The following NUMA1 variants were observed in gnomAD, a reference collection of about 807,000 sequenced individuals.
NUMA1 encodes nuclear mitotic apparatus protein 1, also known as SP-H antigen.
Under a neutral mutation model 237.1 loss-of-function variants are expected in NUMA1, and 62 were observed. The ratio of observed to expected loss-of-function variants is 0.26; its 90% CI spans 0.21 to 0.32. The LOEUF (loss-of-function observed/expected upper bound fraction) is 0.32. Among genes scored for constraint, NUMA1 ranks in the 10% least tolerant of loss-of-function variants. NUMA1 has a pLI of 1.00. For synonymous variants in NUMA1, 1,028 were observed against 1,066.1 expected (o/e 0.96, Z 0.70); for missense variants, 2,533 against 2,666.5 (o/e 0.95, Z 1.10).
In NUMA1 at chr11:72,004,288, A is replaced by G. The variant is rs145040216; in HGVS notation, c.6060T>C (p.His2020=). The G allele has an allele frequency of 1.5e-5, 24 of 1,612,890 alleles. No individual in the cohort carries two copies. In the African/African-American group the frequency reaches 2.8e-4, roughly 19 times the overall value. The change falls in exon 25 of 27, where the codon CAT becomes CAC. Residue 2020 remains histidine, a synonymous_variant. Transcript: ENST00000393695. ...CAGTAGTGCTCTGTTTGCGCCCTTC[A>G]TGTCGGTCTCGGGGAGTCATGGGGC... ...FPRPMTPRDR[H]EGRKQSTTEA...
rs139891320 is a variant in NUMA1, at chr11:72,017,823, C to G, written c.983G>C (p.Arg328Pro). ...CTGCTGCAGATGACTGGCAAACTCCCGCAGCTGAGACGGGCAAGTGAGAAT... is the reference window on the plus strand; with the variant it reads ...CTGCTGCAGATGACTGGCAAACTCCGGCAGCTGAGACGGGCAAGTGAGAAT... Reference protein sequence around the residue: ...EENGDLSFKLREFASHLQQLQ... With the variant: ...EENGDLSFKLPEFASHLQQLQ... The change falls in exon 13 of 27, where the codon CGG becomes CCG. Residue 328 changes from arginine (R) to proline (P), a missense_variant. By Grantham distance (103) the Arg-to-Pro change is moderately radical. This residue lies in a region of NUMA1 where 1,414 missense variants were observed against 1,508.1 expected (regional missense o/e 0.94). Transcript: ENST00000393695. The G allele has an allele frequency of 1.4e-5, 23 of 1,599,344 alleles. No homozygotes were observed.
At chr11:72,009,428 C>T in intron 17 of NUMA1, 41 bp from the exon 18 acceptor site, 7 of 1,556,342 alleles carry the variant, frequency 4.5e-6, no homozygotes, top group Non-Finnish European at 6.0e-6. Context: ...TCTGGCCGCT[C>T]TACCCAAGTC....
chr11:72,079,475 G>A (rs1378325111), intron 1 of NUMA1, among the ~76,000 whole-genome samples: 5 of 152,060 alleles, frequency 3.3e-5, no homozygotes, highest in Non-Finnish European at 7.4e-5. Context: ...GGGTGGCAGA[G>A]GTTGCAGTGA....
intron 24 of NUMA1, 34 bp downstream of exon 24, chr11:72,004,606 T>A: frequency 6.2e-7 from 1 of 1,603,090 alleles, no homozygotes. Context: ...CTGAGCACAG[T>A]GCTGGAGTAA....
chr11:72,072,178 CA>C (rs1281761438), intron 1 of NUMA1: 6 of 152,800 alleles, frequency 3.9e-5, no homozygotes, highest in Non-Finnish European at 7.3e-5. Context: ...AGGCACTGAA[CA>C]AATGCCCACT....
At chr11:72,033,254 G>A (rs903707414) in intron 3 of NUMA1, among the ~76,000 whole-genome samples, 1 of 152,030 alleles carries the variant, frequency 6.6e-6, no homozygotes, top group Non-Finnish European at 1.5e-5. Context: ...TCAAACTCCC[G>A]GGCTCAAGCA....
intron 9 of NUMA1, 122 bp from the exon 10 acceptor site, chr11:72,019,102 A>G (rs1316049336): frequency 9.1e-7 from 1 of 1,094,474 alleles, no homozygotes; most frequent in Non-Finnish European, 1.3e-6. Context: ...AGGCCTGTGC[A>G]CCTGGGTTGT....
intron 2 of NUMA1, among the ~76,000 whole-genome samples, chr11:72,043,982 T>C (rs1941848785): frequency 6.6e-6 from 1 of 152,112 alleles, no homozygotes; most frequent in Non-Finnish European, 1.5e-5. Flanking sequence ...GAAAGACATA[T>C]AGTAGCTAAT....
chr11:72,017,913 G>C, intron 12 of NUMA1, 86 bp from the exon 13 acceptor site: 1 of 1,471,908 alleles, frequency 6.8e-7, no homozygotes, highest in South Asian at 1.2e-5. Flanking sequence ...CCAGGGGCTG[G>C]ATGCCTCCAA....
Position 72,014,562 on chromosome 11 carries a change from G to T in NUMA1, c.2941C>A (p.Leu981Met). The stretch of plus-strand genomic sequence containing the variant: ...ATCAGCGCGGCCCGCAGCCGTTCCA[G>T]CTCATTGCCCATCTGCTCTGCCTCC... Reference protein sequence around the residue: ...EREAEQMGNELERLRAALMES... With the variant: ...EREAEQMGNEMERLRAALMES... The change falls in exon 15 of 27, where the codon CTG becomes ATG. Residue 981 changes from leucine to methionine, a missense_variant. Transcript: ENST00000393695. The surrounding 1 kb of genome is among the most constrained non-coding windows in gnomAD (Gnocchi z 4.6). The T allele has an allele frequency of 6.2e-7, 1 of 1,603,528 alleles. No individual in the cohort carries two copies.
intron 2 of NUMA1, among the ~76,000 whole-genome samples, chr11:72,051,816 G>C (rs1251689415): frequency 6.6e-6 from 1 of 152,158 alleles, no homozygotes; most frequent in African/African-American, 2.4e-5. Context: ...TAGAGGAAGA[G>C]ACACATCTGT....
At chr11:72,021,172 G>A in intron 8 of NUMA1, 32 bp downstream of exon 8, 2 of 1,513,980 alleles carry the variant, frequency 1.3e-6, no homozygotes, top group Non-Finnish European at 1.8e-6. Flanking sequence ...TTTCAGAGAT[G>A]AGGGGATTCT....
intron 1 of NUMA1, among the ~76,000 whole-genome samples, chr11:72,072,903 G>A (rs1256765145): frequency 3.3e-5 from 5 of 152,000 alleles, no homozygotes; most frequent in South Asian, 4.1e-4. Context: ...TTAGCTGGGC[G>A]CGGTGGCGGG....
In NUMA1 at chr11:72,019,586, G is replaced by T. The variant is rs149775256; in HGVS notation, c.492C>A (p.Phe164Leu). ...GGCTAGGTGGGGAGAGCTCTTCAGG[G>T]AATGTGCTAGAACAGGTAGAAGGCA... ...APVPSTCSST[F>L]PEELSPPSHQ... Residue 164 changes from phenylalanine (F) to leucine (L), a missense_variant, in exon 9 of 27, where the codon TTC becomes TTA. Coordinates refer to ENST00000393695, the MANE Select transcript of NUMA1 (RefSeq NM_006185.4). 3.1e-6 allele frequency: 5 copies of T among 1,613,796 alleles called. No individual in the cohort carries two copies. The highest frequency in any genetic ancestry group is 2.7e-5 in the African/African-American group (2 of 74,932).
chr11:72,033,620 C>T (rs1940633142), intron 3 of NUMA1, among the ~76,000 whole-genome samples: 1 of 152,174 alleles, frequency 6.6e-6, no homozygotes, highest in Admixed American at 6.5e-5. Context: ...TGATCCTCCA[C>T]CTCAGCCTCC....
In NUMA1 at chr11:72,004,293, G is replaced by C. The variant is rs138878450; in HGVS notation, c.6055C>G (p.Arg2019Gly). Residue 2019 changes from arginine (R) to glycine (G), a missense_variant, in exon 25 of 27, where the codon CGA (arginine) becomes GGA (glycine). Arg to Gly is a moderately radical substitution (Grantham distance 125, BLOSUM62 -2). Transcript: ENST00000393695. ...CFPRPMTPRD[R>G]HEGRKQSTTE... ...GTGCTCTGTTTGCGCCCTTCATGTC[G>C]GTCTCGGGGAGTCATGGGGCGTGGG... 2 of 1,613,260 alleles carry C rather than the reference G, an allele frequency of 1.2e-6. No individual in the cohort carries two copies. The highest frequency in any genetic ancestry group is 1.7e-6 in the Non-Finnish European group (2 of 1,179,862).
intron 22 of NUMA1, 47 bp downstream of exon 22, chr11:72,005,988 C>T: frequency 1.4e-6 from 2 of 1,447,962 alleles, no homozygotes; most frequent in South Asian, 2.5e-5. Context: ...CACGATCCAC[C>T]TTCCAGTCTA....
chr11:72,070,423 T>C (rs996019107), intron 1 of NUMA1, among the ~76,000 whole-genome samples: 5 of 152,254 alleles, frequency 3.3e-5, no homozygotes, highest in Admixed American at 1.3e-4. Flanking sequence ...CACTTCTCTC[T>C]GCGTGAGCCA....
At chr11:72,019,673 G>T in intron 8 of NUMA1, 56 bp from the exon 9 acceptor site, 1 of 1,570,276 alleles carries the variant, frequency 6.4e-7, no homozygotes, top group Non-Finnish European at 8.7e-7. Flanking sequence ...AAGGTGTAAA[G>T]ATTTGCACCT....
Sources: allele counts gnomAD v4.1 joint callset (sites outside exome capture counted in the v4.1 genomes callset), GRCh38; gene constraint gnomAD v4.1.1; regional missense constraint gnomAD v4.1.1; non-coding constraint Gnocchi (gnomAD v3.1); transcripts MANE v1.5; gene names NCBI Gene and HGNC (gene_info 2026-07-23, HGNC 2026-07-21).